SNX14: variants seen among roughly 807,000 people sequenced by gnomAD.
SNX14 encodes sorting nexin-14.
In SNX14, 93 loss-of-function variants were observed where a neutral mutation model predicts 133.8. The observed-to-expected ratio is 0.70, with a 90% CI of 0.59 to 0.83. The LOEUF (loss-of-function observed/expected upper bound fraction) is 0.83. Among genes scored for constraint, SNX14 ranks in the 40% least tolerant of loss-of-function variants. The probability of loss-of-function intolerance (pLI) is 0.00; values close to 1 mark genes in which losing one functional copy is unlikely to be tolerated. For synonymous variants in SNX14, 368 were observed against 365.6 expected, an observed-to-expected ratio of 1.01 and a Z score of -0.07; for missense variants, 945 against 1,094.9, an observed-to-expected ratio of 0.86 and a Z score of 1.93.
rs1160963074 is a variant in SNX14, at chr6:85,541,059, T to C, written c.1448+926A>G. ...CCCAGGCTGGAGTGCAGTAGCACGA[T>C]CTTGGCTCATTGCAACCTCCACCTC... is the stretch of plus-strand genomic sequence containing the variant. On this transcript the variant is annotated intron_variant, in intron 15 of 28. Coordinates refer to ENST00000314673, the MANE Select transcript of SNX14 (RefSeq NM_153816.6). Among the ~76,000 whole-genome samples the C allele has an allele frequency of 3.3e-5, 5 of 151,564 alleles. No individual in the cohort carries two copies. The East Asian group carries it at 7.8e-4, about 24-fold the overall frequency.
chr6:85,527,075 AT>A (rs2127968742), intron 20 of SNX14, among the ~76,000 whole-genome samples: 1 of 152,328 alleles, frequency 6.6e-6, no homozygotes, highest in Admixed American at 6.5e-5. Context: ...GTCTCAAAAA[AT>A]AAAAAAAATT....
chr6:85,571,922 C>G (rs552259944), intron 4 of SNX14, among the ~76,000 whole-genome samples: 1 of 152,146 alleles, frequency 6.6e-6, no homozygotes, highest in Non-Finnish European at 1.5e-5. Context: ...CCAGTGCTTT[C>G]CTTAGCTGAA....
chr6:85,552,550 A>G (rs1788197397), intron 7 of SNX14, among the ~76,000 whole-genome samples: 1 of 152,354 alleles, frequency 6.6e-6, no homozygotes, highest in Middle Eastern at 3.4e-3. Context: ...ACAACCAGCA[A>G]TTAGGAAAGT....
At position 85,593,798 on chromosome 6, in the gene SNX14, C is replaced by A; in HGVS notation, c.-80G>T. ...ACCCCCCATCCACACCTCGCGTCCC[C>A]GCCCCACCGACTTGGCGGCGCACAC... On this transcript the variant is annotated 5_prime_UTR_variant, in exon 1 of 29. Coordinates refer to ENST00000314673, the MANE Select transcript of SNX14 (RefSeq NM_153816.6). The A allele has an allele frequency of 1.3e-6, 2 of 1,585,760 alleles. No individual in the cohort carries two copies. The highest frequency in any genetic ancestry group is 2.3e-5 in the East Asian group (1 of 43,554).
chr6:85,564,273 T>C (rs987099151), intron 6 of SNX14, among the ~76,000 whole-genome samples: 1 of 152,246 alleles, frequency 6.6e-6, no homozygotes. Flanking sequence ...TTATAATCCT[T>C]TGGGTATATA....
At chr6:85,562,054 G>A (rs180918942) in intron 6 of SNX14, among the ~76,000 whole-genome samples, 5 of 152,114 alleles carry the variant, frequency 3.3e-5, no homozygotes, top group Non-Finnish European at 2.9e-5. Context: ...TTATGTCCAC[G>A]TGTACCCAAT....
At chr6:85,515,275 A>C (rs1051811361) in intron 23 of SNX14, among the ~76,000 whole-genome samples, 8 of 151,186 alleles carry the variant, frequency 5.3e-5, no homozygotes, top group Non-Finnish European at 8.8e-5. Flanking sequence ...AAAAAAAAAA[A>C]AAAAAAAAAA....
chr6:85,531,786 G>GAGGCCA (rs1562248381), intron 18 of SNX14, among the ~76,000 whole-genome samples: 1 of 152,148 alleles, frequency 6.6e-6, no homozygotes, highest in Non-Finnish European at 1.5e-5. Context: ...AGTACTCTAG[G>GAGGCCA]AGGCCAAGGC....
intron 5 of SNX14, among the ~76,000 whole-genome samples, chr6:85,566,192 G>T (rs1793771132): frequency 6.6e-6 from 1 of 152,194 alleles, no homozygotes; most frequent in African/African-American, 2.4e-5. Context: ...GTGTCGTAAT[G>T]AGAGATGGGA....
chr6:85,578,208 A>G (rs1797910068), intron 1 of SNX14, among the ~76,000 whole-genome samples: 1 of 152,202 alleles, frequency 6.6e-6, no homozygotes, highest in Admixed American at 6.5e-5. Flanking sequence ...CATGGAAGAA[A>G]CAGTTATAAA....
At chr6:85,562,582 C>CTTTTTTTTTTTTTTTT (rs201175458) in intron 6 of SNX14, among the ~76,000 whole-genome samples, 2 of 94,846 alleles carry the variant, frequency 2.1e-5, no homozygotes, top group Non-Finnish European at 4.0e-5. Flanking sequence ...ACTTTTTGGG[C>CTTTTTTTTTTTTTTTT]TTTTTTTTTT....
intron 26 of SNX14, among the ~76,000 whole-genome samples, chr6:85,512,822 G>C (rs879634330): frequency 1.3e-5 from 2 of 152,074 alleles, no homozygotes; most frequent in African/African-American, 2.4e-5. Context: ...TCCAACCTTG[G>C]GGGGCAGTGG....
intron 6 of SNX14, among the ~76,000 whole-genome samples, chr6:85,562,808 T>A (rs550031513): frequency 6.6e-6 from 1 of 152,170 alleles, no homozygotes; most frequent in Non-Finnish European, 1.5e-5. Context: ...GCCAGGCTGA[T>A]CTCGAACTCC....
chr6:85,543,452 TA>T, intron 13 of SNX14, 146 bp from the exon 14 acceptor site: 1 of 1,052,948 alleles, frequency 9.5e-7, no homozygotes, highest in Non-Finnish European at 1.3e-6. Context: ...ACATAAAGTA[TA>T]AATAAGTTTT....
At chr6:85,583,448 G>C (rs955114645) in intron 1 of SNX14, among the ~76,000 whole-genome samples, 1 of 152,190 alleles carries the variant, frequency 6.6e-6, no homozygotes, top group Non-Finnish European at 1.5e-5. Context: ...AATAGGAAGA[G>C]AGGAAGTCAA....
intron 23 of SNX14, 57 bp downstream of exon 23, chr6:85,517,699 G>GT: frequency 6.6e-7 from 1 of 1,520,150 alleles, no homozygotes; most frequent in Non-Finnish European, 8.8e-7. Context: ...CAATGAAAAA[G>GT]TAATCTCAAG....
At chr6:85,561,052 G>A (rs564914595) in intron 6 of SNX14, among the ~76,000 whole-genome samples, 5 of 143,276 alleles carry the variant, frequency 3.5e-5, no homozygotes. Flanking sequence ...AAAAAAAAAA[G>A]GCTGGGCACG....
At chr6:85,554,216 T>A (rs1012184232) in intron 7 of SNX14, among the ~76,000 whole-genome samples, 1 of 151,618 alleles carries the variant, frequency 6.6e-6, no homozygotes, top group Admixed American at 6.6e-5. Context: ...ATTATCCAAT[T>A]TAAGTTTATA....
At chr6:85,528,392 T>C (rs112631294) in intron 19 of SNX14, 30 bp from the exon 20 acceptor site, 2 of 1,522,120 alleles carry the variant, frequency 1.3e-6, no homozygotes, top group Non-Finnish European at 1.8e-6. Flanking sequence ...TAGTTATTAC[T>C]GTGTTCTGCT....
Sources: gnomAD v4.1 joint callset for allele counts (sites outside exome capture counted in the v4.1 genomes callset) on GRCh38, gnomAD v4.1.1 for gene constraint, MANE v1.5 for transcripts, NCBI Gene and HGNC (gene_info 2026-07-23, HGNC 2026-07-21) for gene names.